ATN1: variants seen among roughly 807,000 people sequenced by gnomAD.
ATN1 encodes atrophin 1.
In ATN1, 19 loss-of-function variants were observed where a neutral mutation model predicts 85.8. The ratio of observed to expected loss-of-function variants is 0.22; its 90% CI spans 0.15 to 0.32. The LOEUF is 0.32. ATN1 is among the 10% of genes least tolerant of loss of function. ATN1 has a pLI of 1.00. For missense variants in ATN1, 1,453 were observed against 1,564.5 expected, an observed-to-expected ratio of 0.93 and a Z score of 1.20; for synonymous variants, 674 against 657.0, an observed-to-expected ratio of 1.03 and a Z score of -0.39.
chr12:6,937,908 A>T lies in ATN1; in HGVS notation c.2358A>T (p.Pro786=). ...CGCGCAGCGACCTGTACTTCGTGCC[A>T]CTGGAGGGCTCCAAGCTGGCCAAGA... ...SCARSDLYFV[P]LEGSKLAKKR... is the part of the protein sequence containing the mutation. The change falls in exon 6 of 10, where the codon CCA becomes CCT. Residue 786 remains proline, a synonymous_variant. Transcript: ENST00000396684. The surrounding 1 kb of genome is among the most constrained non-coding windows in gnomAD (Gnocchi z 6.0). The T allele has an allele frequency of 6.3e-7, 1 of 1,597,392 alleles. No individual in the cohort carries two copies. Among genetic ancestry groups the T allele is most frequent in the Non-Finnish European group, 8.5e-7 (1 of 1,172,654 alleles).
At chr12:6,927,343 T>C (rs1555142676), upstream of ATN1, among the ~76,000 whole-genome samples, 1 of 151,192 alleles carries the variant, frequency 6.6e-6, no homozygotes, top group Non-Finnish European at 1.5e-5. Context: ...CCCAAGCTTC[T>C]CTCACTTCTC....
rs1945416628 is a variant in ATN1, at chr12:6,928,044, A to AGGGCCGGGCGGGCCGCG, written c.-491_-475dup. Among the ~76,000 whole-genome samples, 1 of 115,480 alleles carries AGGGCCGGGCGGGCCGCG rather than the reference A, an allele frequency of 8.7e-6. No homozygotes were observed. Among genetic ancestry groups the AGGGCCGGGCGGGCCGCG allele is most frequent in the East Asian group, 2.5e-4 (1 of 3,940 alleles). 75.8% of individuals were successfully genotyped at this position (115,480 alleles called of 152,430 possible). A position where few individuals can be genotyped will look rare whatever the true frequency, so the allele number is the denominator to read the frequency against. On this transcript the variant is annotated 5_prime_UTR_variant, in exon 1 of 10. Coordinates refer to ENST00000396684, the MANE Select transcript of ATN1 (RefSeq NM_001940.4). ...GCGGCGGCGGGTCGGAACCGCGCCG[A>AGGGCCGGGCGGGCCGCG]GGGCCGGGCGGGCCGCGGGGCCGGG...
chr12:6,929,338 G>A (rs1555142871), intron 1 of ATN1, among the ~76,000 whole-genome samples: 3 of 152,102 alleles, frequency 2.0e-5, no homozygotes, highest in African/African-American at 7.2e-5. Context: ...TTACTGCTTT[G>A]AGCTCAAAGA....
Position 6,940,464 on chromosome 12 carries a change from C to T in ATN1, c.3215-416C>T, listed in dbSNP as rs138396788. Among the ~76,000 whole-genome samples, 709 of 152,176 alleles carry T rather than the reference C, an allele frequency of 4.7e-3. 4 individuals carry two copies. The highest frequency in any genetic ancestry group is 0.015 in the African/African-American group (603 of 41,510). On this transcript the variant is annotated intron_variant, in intron 7 of 9. Coordinates refer to ENST00000396684, the MANE Select transcript of ATN1 (RefSeq NM_001940.4). ...TGTATTTTTTGTAGAAACAGGGTTTCACCATCTTGGCCAGGCTGGTCTTGA... is the reference window on the plus strand; with the variant it reads ...TGTATTTTTTGTAGAAACAGGGTTTTACCATCTTGGCCAGGCTGGTCTTGA...
rs1338660560 is a variant in ATN1, at chr12:6,941,922, G to A, written c.*142G>A. 1 of 810,358 alleles carries A rather than the reference G, an allele frequency of 1.2e-6. No homozygotes were observed. Among genetic ancestry groups the A allele is most frequent in the Admixed American group, 2.2e-5 (1 of 45,784 alleles). The allele number at this position is 810,358 out of a possible 1,614,324, so 50.2% of individuals were successfully genotyped here. A position where few individuals can be genotyped will look rare whatever the true frequency, so the allele number is the denominator to read the frequency against. On this transcript the variant is annotated 3_prime_UTR_variant, in exon 10 of 10. Coordinates refer to ENST00000396684, the MANE Select transcript of ATN1 (RefSeq NM_001940.4). The surrounding 1 kb of genome is among the most constrained non-coding windows in gnomAD (Gnocchi z 5.9). ...GGGCCTCCGCAGCTGGACAGAGAGT[G>A]GGGGAGGGAGGGACAGACAGAAGGC...
Sources: gnomAD v4.1 joint callset for allele counts (sites outside exome capture counted in the v4.1 genomes callset) on GRCh38, gnomAD v4.1.1 for gene constraint, Gnocchi (gnomAD v3.1) non-coding constraint, MANE v1.5 for transcripts, NCBI Gene and HGNC (gene_info 2026-07-23, HGNC 2026-07-21) for gene names.